The following RBM5 variants were observed in gnomAD, a reference collection of about 807,000 sequenced individuals.
RBM5 encodes the protein RNA-binding protein 5.
RBM5 carries 15 observed loss-of-function variants against 124.6 expected under a neutral mutation model. The ratio of observed to expected loss-of-function variants is 0.12; its 90% CI spans 0.08 to 0.19. The LOEUF is 0.19. Ranked by LOEUF, RBM5 falls within the 10% of genes least tolerant of loss-of-function variation. RBM5 has a pLI of 1.00. For missense variants in RBM5, 580 were observed against 1,026.5 expected (o/e 0.57, Z 5.94); for synonymous variants, 337 against 361.2 (o/e 0.93, Z 0.76).
Position 50,109,588 on chromosome 3 carries a change from T to A in RBM5, c.1193-15T>A. 1 of 1,610,688 alleles carries A rather than the reference T, an allele frequency of 6.2e-7. No individual in the cohort carries two copies. Among genetic ancestry groups the A allele is most frequent in the Non-Finnish European group, 8.5e-7 (1 of 1,176,934 alleles). ...CAGTGCCTTGGCTTTCCCTAACACTTGTGTTTATCATCAGGCACAGCAGTG... is the reference window on the plus strand; with the variant it reads ...CAGTGCCTTGGCTTTCCCTAACACTAGTGTTTATCATCAGGCACAGCAGTG... On this transcript the variant is annotated splice_polypyrimidine_tract_variant and intron_variant, in intron 14 of 24. Transcript: ENST00000347869.
chr3:50,093,188 C>G (rs1008207873), intron 3 of RBM5: 1 of 158,790 alleles, frequency 6.3e-6, no homozygotes, highest in African/African-American at 2.4e-5. Flanking sequence ...GCCTGTAATC[C>G]CAGCACTTTG....
Position 50,099,985 on chromosome 3 carries a change from C to G in RBM5, c.343C>G (p.Arg115Gly). ...LPITITESDI[R>G]EMMESFEGPQ... is the part of the protein sequence containing the mutation. ...AATAATGTAAAACCCTGTGCAGATT[C>G]GAGAAATGATGGAGTCCTTCGAAGG... The change falls in exon 5 of 25, where the codon CGA becomes GGA. Residue 115 changes from arginine to glycine, a missense_variant. Physicochemically the swap from Arg to Gly is moderately radical, Grantham distance 125. This residue lies in a region of RBM5 where 101 missense variants were observed against 223.2 expected (regional missense o/e 0.45). Coordinates refer to ENST00000347869, the MANE Select transcript of RBM5 (RefSeq NM_005778.4). 1 of 1,613,284 alleles carries G rather than the reference C, an allele frequency of 6.2e-7. No individual in the cohort carries two copies. Among genetic ancestry groups the G allele is most frequent in the Non-Finnish European group, 8.5e-7 (1 of 1,179,676 alleles).
At chr3:50,106,678 A>G in intron 10 of RBM5, 89 bp from the exon 11 acceptor site, 1 of 938,410 alleles carries the variant, frequency 1.1e-6, no homozygotes, top group African/African-American at 1.7e-5. Context: ...TTTATTTTTT[A>G]ATAGAAAACT....
rs895026740 is a variant in RBM5, at chr3:50,118,514, C to T, written c.*58C>T. On this transcript the variant is annotated 3_prime_UTR_variant, in exon 25 of 25. Coordinates refer to ENST00000347869, the MANE Select transcript of RBM5 (RefSeq NM_005778.4). ...CAAGAAGTGGTCCATCTCCCGAATT[C>T]GCTGTTACCGCCTGTCTCTTTAAGG... 4.5e-6 allele frequency: 7 copies of T among 1,571,758 alleles called. No homozygotes were observed. Among genetic ancestry groups the T allele is most frequent in the Admixed American group, 1.8e-5 (1 of 54,626 alleles).
In RBM5 at chr3:50,096,936, G is replaced by T. The variant is rs940045445; in HGVS notation, c.340-3046G>T. Reference sequence around the variant, plus strand: ...GTAGATGGGCCCTTCAGGCGGAGGGGTATCACATGAGCAGGGAATAGAAAG... The same window carrying T: ...GTAGATGGGCCCTTCAGGCGGAGGGTTATCACATGAGCAGGGAATAGAAAG... On this transcript the variant is annotated intron_variant, in intron 4 of 24. Transcript: ENST00000347869. Among the ~76,000 whole-genome samples the T allele has an allele frequency of 2.0e-5, 3 of 152,086 alleles. No individual in the cohort carries two copies. In the East Asian group the frequency reaches 5.8e-4, roughly 29 times the overall value.
chr3:50,106,250 C>T (rs1271255244), intron 10 of RBM5, among the ~76,000 whole-genome samples: 3 of 150,040 alleles, frequency 2.0e-5, no homozygotes, highest in Non-Finnish European at 4.4e-5. Flanking sequence ...ACGCCATTCT[C>T]CCGCCTCAGC....
At chr3:50,099,874 T>TAAAAAA in intron 4 of RBM5, 108 bp from the exon 5 acceptor site, 1 of 797,174 alleles carries the variant, frequency 1.3e-6, no homozygotes, top group Non-Finnish European at 1.8e-6. Flanking sequence ...ACTCCCATCT[T>TAAAAAA]AAAAAAAAAA....
intron 15 of RBM5, 84 bp from the exon 16 acceptor site, chr3:50,110,295 C>T: frequency 8.5e-7 from 1 of 1,173,292 alleles, no homozygotes. Context: ...TCAGGGGAGC[C>T]CTTCCTCCTG....
chr3:50,094,258 G>A (rs62263597), intron 4 of RBM5: 11,647 of 153,774 alleles, frequency 0.076, 459 homozygotes, highest in African/African-American at 0.093. Context: ...CCGGGTTCAC[G>A]CCATTCTCCT....
intron 10 of RBM5, among the ~76,000 whole-genome samples, chr3:50,106,154 A>T (rs369926745): frequency 1.5e-3 from 38 of 26,144 alleles, no homozygotes; most frequent in Non-Finnish European, 1.8e-3. Context: ...TTTTTTTTTG[A>T]GAGGGAGTCT....
chr3:50,107,115 C>T, intron 11 of RBM5: 1 of 675,914 alleles, frequency 1.5e-6, no homozygotes, highest in South Asian at 1.5e-5. Flanking sequence ...GTTGAGAACA[C>T]ATGCTTTGCA....
chr3:50,092,841 G>C (rs2090728569), intron 3 of RBM5: 2 of 372,692 alleles, frequency 5.4e-6, no homozygotes, highest in South Asian at 4.0e-5. Context: ...TTGAGCCCAG[G>C]AGTTAGAGGC....
At chr3:50,090,615 T>TA (rs1262452394) in intron 2 of RBM5, among the ~76,000 whole-genome samples, 164 bp downstream of exon 2, 1 of 152,154 alleles carries the variant, frequency 6.6e-6, no homozygotes, top group Non-Finnish European at 1.5e-5. Flanking sequence ...GTGAGAGAAT[T>TA]AAAGTACTGT....
At chr3:50,093,921 A>G in intron 4 of RBM5, 46 bp downstream of exon 4, 1 of 1,561,798 alleles carries the variant, frequency 6.4e-7, no homozygotes. Context: ...AGGCACAATG[A>G]ACTTTGAGCT....
chr3:50,118,479 A>G lies in RBM5; in HGVS notation c.*23A>G, dbSNP rs374884720. 6.2e-6 allele frequency: 10 copies of G among 1,605,814 alleles called. No homozygotes were observed. The African/African-American group carries it at 1.3e-4, about 21-fold the overall frequency. Reference sequence around the variant, plus strand: ...TGAGAGAGAGAGAGAGAGAGAGATGACAAGGAGCACAAGAAGTGGTCCATC... The same window carrying G: ...TGAGAGAGAGAGAGAGAGAGAGATGGCAAGGAGCACAAGAAGTGGTCCATC... On this transcript the variant is annotated 3_prime_UTR_variant, in exon 25 of 25. Coordinates refer to ENST00000347869, the MANE Select transcript of RBM5 (RefSeq NM_005778.4).
intron 24 of RBM5, chr3:50,118,095 T>TGA: frequency 1.8e-6 from 1 of 563,008 alleles, no homozygotes. Flanking sequence ...GGATGCTTGC[T>TGA]GAGCAGGCAT....
Position 50,092,075 on chromosome 3 carries a change from G to C in RBM5, c.50G>C (p.Gly17Ala). ...AGAACAGAGCGTAGTGGAAGATACGGTTCCATCATAGACAGGGATGACCGT... is the reference window on the plus strand; with the variant it reads ...AGAACAGAGCGTAGTGGAAGATACGCTTCCATCATAGACAGGGATGACCGT... ...VSRTERSGRY[G>A]SIIDRDDRDE... The change falls in exon 3 of 25, where the codon GGT (glycine) becomes GCT (alanine). Residue 17 changes from glycine to alanine, a missense_variant. Transcript: ENST00000347869. 1 of 1,614,082 alleles carries C rather than the reference G, an allele frequency of 6.2e-7. No individual in the cohort carries two copies. The highest frequency in any genetic ancestry group is 8.5e-7 in the Non-Finnish European group (1 of 1,179,982).
intron 20 of RBM5, 197 bp from the exon 21 acceptor site, chr3:50,115,231 C>G (rs1225977800): frequency 1.8e-6 from 1 of 564,490 alleles, no homozygotes; most frequent in African/African-American, 2.0e-5. Context: ...AGGTTGGTAC[C>G]AGGAGGCTGT....
At position 50,110,442 on chromosome 3, in the gene RBM5, G is replaced by A; in HGVS notation, c.1342G>A (p.Val448Ile). 1 of 1,614,142 alleles carries A rather than the reference G, an allele frequency of 6.2e-7. No homozygotes were observed. The highest frequency in any genetic ancestry group is 8.5e-7 in the Non-Finnish European group (1 of 1,179,984). ...GGCCCCAGCCGCTTCCCCTACTGGT[G>A]TAGTTCCTGGTACCAAATATGGTAA... ...TQAPAASPTG[V>I]VPGTKYAVPD... The change falls in exon 16 of 25, where the codon GTA (valine) becomes ATA (isoleucine). Residue 448 changes from valine to isoleucine, a missense_variant. Transcript: ENST00000347869.
Sources: gnomAD v4.1 joint callset for allele counts (sites outside exome capture counted in the v4.1 genomes callset) on GRCh38, gnomAD v4.1.1 for gene constraint, gnomAD v4.1.1 regional missense constraint, MANE v1.5 for transcripts, NCBI Gene and HGNC (gene_info 2026-07-23, HGNC 2026-07-21) for gene names.